The following LINC00305 variants were observed in gnomAD, a reference collection of about 807,000 sequenced individuals.
LINC00305 encodes the protein long independently transcribed non-coding RNA 305, also known as long intergenic non-protein coding RNA 305.
chr18:64,146,697 A>T (rs886111853), intron 1 of LINC00305, among the ~76,000 whole-genome samples: 3 of 152,324 alleles, frequency 2.0e-5, no homozygotes, highest in Admixed American at 2.0e-4. Flanking sequence ...AAGCATTAAG[A>T]TGCCTACATC....
intron 1 of LINC00305, among the ~76,000 whole-genome samples, chr18:64,110,424 G>T (rs2051310163): frequency 1.3e-5 from 2 of 152,164 alleles, no homozygotes; most frequent in Non-Finnish European, 2.9e-5. Flanking sequence ...ACAACCGGAT[G>T]ATAGTAAAAC....
Position 64,114,293 on chromosome 18 carries a change from A to G in LINC00305, n.315-15653T>C, listed in dbSNP as rs1468394796. On this transcript the variant is annotated intron_variant and non_coding_transcript_variant, in intron 1 of 3. Transcript: ENST00000666468. Reference sequence around the variant, plus strand: ...AGGGTTCTAAAGTGCAAACTTTCCAAAGAGGTTCTCCCTGCCTGTATATTT... The same window carrying G: ...AGGGTTCTAAAGTGCAAACTTTCCAGAGAGGTTCTCCCTGCCTGTATATTT... Among the ~76,000 whole-genome samples the G allele has an allele frequency of 2.6e-5, 4 of 152,136 alleles. No individual in the cohort carries two copies. The East Asian group carries it at 5.8e-4, about 22-fold the overall frequency.
At chr18:64,143,617 C>T (rs62636874) in intron 1 of LINC00305, among the ~76,000 whole-genome samples, 97,770 of 119,196 alleles carry the variant, frequency 0.82, 41,054 homozygotes, top group East Asian at 0.89. Context: ...TACATATGTA[C>T]ACATATGTAT....
chr18:64,102,207 C>G (rs186886748), intron 1 of LINC00305, among the ~76,000 whole-genome samples: 16 of 152,210 alleles, frequency 1.1e-4, no homozygotes, highest in Non-Finnish European at 1.6e-4. Flanking sequence ...ATGAGAGAAG[C>G]CTAAAGGTCT....
intron 3 of LINC00305, among the ~76,000 whole-genome samples, chr18:64,096,786 C>T (rs566189881): frequency 6.6e-6 from 1 of 151,710 alleles, no homozygotes; most frequent in African/African-American, 2.4e-5. Context: ...TTAAAGAACA[C>T]AATAATAAAA....
chr18:64,084,103 G>T (rs184794517), intron 3 of LINC00305, among the ~76,000 whole-genome samples: 1 of 152,290 alleles, frequency 6.6e-6, no homozygotes, highest in African/African-American at 2.4e-5. Flanking sequence ...ACACCTTGAA[G>T]CTAGTTCCCT....
chr18:64,082,055 G>C (rs996717864), intron 3 of LINC00305, among the ~76,000 whole-genome samples: 1 of 151,912 alleles, frequency 6.6e-6, no homozygotes, highest in Non-Finnish European at 1.5e-5. Context: ...TTTTTGCCTG[G>C]GGACCAGATT....
chr18:64,111,314 G>A (rs1205949189), intron 1 of LINC00305, among the ~76,000 whole-genome samples: 1 of 152,088 alleles, frequency 6.6e-6, no homozygotes, highest in Non-Finnish European at 1.5e-5. Flanking sequence ...TTTTCATGAT[G>A]AGACTGTAAA....
At chr18:64,128,354 C>A (rs1018288276) in intron 1 of LINC00305, among the ~76,000 whole-genome samples, 6 of 148,884 alleles carry the variant, frequency 4.0e-5, no homozygotes, top group African/African-American at 1.5e-4. Flanking sequence ...CATCACCTGC[C>A]ACCTGTCACC....
chr18:64,090,721 C>G (rs2051221823), intron 3 of LINC00305, among the ~76,000 whole-genome samples: 1 of 152,066 alleles, frequency 6.6e-6, no homozygotes, highest in Non-Finnish European at 1.5e-5. Flanking sequence ...TTTTTATTTG[C>G]TTTTCGATGT....
At chr18:64,144,850 CA>C (rs1452338255) in intron 1 of LINC00305, among the ~76,000 whole-genome samples, 3 of 152,234 alleles carry the variant, frequency 2.0e-5, no homozygotes, top group African/African-American at 7.2e-5. Context: ...GACGTGTAGT[CA>C]GGGGGTTTTC....
intron 1 of LINC00305, among the ~76,000 whole-genome samples, chr18:64,140,555 G>A (rs1256797803): frequency 2.0e-5 from 3 of 152,118 alleles, no homozygotes; most frequent in East Asian, 1.9e-4. Context: ...GACCGTCTAA[G>A]TAGTTTCCTC....
intron 1 of LINC00305, among the ~76,000 whole-genome samples, chr18:64,111,586 C>A (rs569082302): frequency 6.6e-6 from 1 of 152,326 alleles, no homozygotes; most frequent in South Asian, 2.1e-4. Flanking sequence ...ACTAAGTCAG[C>A]TGGCAGATTC....
exon 1 of LINC00305, chr18:64,148,792 G>A (rs905850681): frequency 1.3e-5 from 2 of 152,080 alleles, no homozygotes; most frequent in African/African-American, 4.8e-5. Context: ...AGGGCAGTCT[G>A]GTTCCTCTGG....
intron 1 of LINC00305, among the ~76,000 whole-genome samples, chr18:64,130,487 G>A (rs2051404650): frequency 2.0e-5 from 3 of 151,216 alleles, no homozygotes; most frequent in Admixed American, 2.0e-4. Flanking sequence ...ATTACTTACT[G>A]TGCGCCAAAC....
chr18:64,135,210 T>C (rs1001140993), intron 1 of LINC00305, among the ~76,000 whole-genome samples: 4 of 152,138 alleles, frequency 2.6e-5, no homozygotes, highest in Admixed American at 2.6e-4. Flanking sequence ...CCGGTCATAT[T>C]AGATTAGGGC....
At chr18:64,092,215 T>A (rs2051227384) in intron 3 of LINC00305, among the ~76,000 whole-genome samples, 1 of 152,254 alleles carries the variant, frequency 6.6e-6, no homozygotes, top group South Asian at 2.1e-4. Context: ...CAACAGCAAC[T>A]GCATGGCTGC....
chr18:64,112,126 C>G (rs2051317218), intron 1 of LINC00305, among the ~76,000 whole-genome samples: 1 of 152,048 alleles, frequency 6.6e-6, no homozygotes, highest in Non-Finnish European at 1.5e-5. Flanking sequence ...CTGTGTGATA[C>G]AATCAGCCTG....
At chr18:64,148,579 G>C (rs751478373) in intron 1 of LINC00305, among the ~76,000 whole-genome samples, 23 of 152,112 alleles carry the variant, frequency 1.5e-4, no homozygotes, top group Admixed American at 2.6e-4. Context: ...AAGCAAGATG[G>C]GGGGTTATCT....
Sources: allele counts gnomAD v4.1 joint callset (sites outside exome capture counted in the v4.1 genomes callset), GRCh38; gene constraint gnomAD v4.1.1; transcripts MANE v1.5; gene names NCBI Gene and HGNC (gene_info 2026-07-23, HGNC 2026-07-21).